The following C10orf143 variants were observed in gnomAD, a reference collection of about 807,000 sequenced individuals.
The protein encoded by C10orf143 is chromosome 10 open reading frame 143.
intron 3 of C10orf143, among the ~76,000 whole-genome samples, chr10:130,076,369 G>C (rs926720239): frequency 2.0e-5 from 3 of 152,186 alleles, no homozygotes; most frequent in Non-Finnish European, 4.4e-5. Context: ...TCTCCCAGAA[G>C]TCAGAAGCAA....
intron 1 of C10orf143, among the ~76,000 whole-genome samples, chr10:130,092,211 G>A (rs1458444510): frequency 6.6e-6 from 1 of 152,182 alleles, no homozygotes; most frequent in East Asian, 1.9e-4. Context: ...ACTAACAGCA[G>A]ATCTCTCAGC....
At chr10:130,074,584 G>A (rs923726148) in intron 3 of C10orf143, among the ~76,000 whole-genome samples, 6 of 152,112 alleles carry the variant, frequency 3.9e-5, no homozygotes, top group Non-Finnish European at 7.4e-5. Context: ...GCAAGCACAG[G>A]CAGTGTTCTC....
In C10orf143 at chr10:130,050,180, C is replaced by G. The variant is rs537586495; in HGVS notation, c.298-14210G>C. ...AGGCTGCAGGCGCATGACTGAGAAGCAGGAATGGGCCACGCTCACACCCAA... is the reference window on the plus strand; with the variant it reads ...AGGCTGCAGGCGCATGACTGAGAAGGAGGAATGGGCCACGCTCACACCCAA... On this transcript the variant is annotated intron_variant and NMD_transcript_variant, in intron 3 of 5. Transcript: ENST00000643056. Among the ~76,000 whole-genome samples the G allele has an allele frequency of 4.3e-4, 66 of 152,356 alleles. 1 individual carries two copies. Among genetic ancestry groups the G allele is most frequent in the African/African-American group, 1.5e-3 (63 of 41,582 alleles).
intron 1 of C10orf143, among the ~76,000 whole-genome samples, chr10:130,088,725 T>C (rs1861332700): frequency 6.6e-6 from 1 of 152,198 alleles, no homozygotes; most frequent in Non-Finnish European, 1.5e-5. Flanking sequence ...CAGGTAATGC[T>C]GGATGGAACA....
At chr10:130,082,331 C>CGG (rs756646349) in intron 1 of C10orf143, among the ~76,000 whole-genome samples, 3 of 151,960 alleles carry the variant, frequency 2.0e-5, no homozygotes, top group Middle Eastern at 3.2e-3. Flanking sequence ...TTTTAATATA[C>CGG]GGTCCCAGGA....
downstream of C10orf143, among the ~76,000 whole-genome samples, chr10:130,062,717 A>G (rs532090697): frequency 6.6e-6 from 1 of 152,250 alleles, no homozygotes; most frequent in Admixed American, 6.5e-5. Flanking sequence ...TGATCATGCA[A>G]GTCAATACTC....
intron 3 of C10orf143, among the ~76,000 whole-genome samples, chr10:130,046,231 G>A (rs909239753): frequency 2.0e-5 from 3 of 151,888 alleles, no homozygotes; most frequent in African/African-American, 7.3e-5. Flanking sequence ...CGGGTGGGGC[G>A]AGGCTCGGCG....
intron 3 of C10orf143, among the ~76,000 whole-genome samples, chr10:130,050,786 G>T (rs1370503914): frequency 6.6e-6 from 1 of 152,208 alleles, no homozygotes; most frequent in Admixed American, 6.5e-5. Context: ...TGTGGCAACC[G>T]AATCAGCTCT....
intron 1 of C10orf143, among the ~76,000 whole-genome samples, chr10:130,083,397 T>A (rs1420657648): frequency 6.6e-6 from 1 of 152,144 alleles, no homozygotes; most frequent in Non-Finnish European, 1.5e-5. Flanking sequence ...CAATTACAAC[T>A]CTAGAATCTA....
At chr10:130,040,571 C>T (rs576248953) in intron 3 of C10orf143, among the ~76,000 whole-genome samples, 11 of 152,354 alleles carry the variant, frequency 7.2e-5, no homozygotes, top group South Asian at 4.1e-4. Context: ...AATGGGACGG[C>T]GTGCTGGCTC....
intron 3 of C10orf143, among the ~76,000 whole-genome samples, chr10:130,045,234 A>G (rs1175539404): frequency 6.6e-6 from 1 of 152,242 alleles, no homozygotes; most frequent in Admixed American, 6.5e-5. Flanking sequence ...CAGGGCAGGC[A>G]GGCTCTGGGC....
chr10:130,105,644 C>A (rs1032623095), intron 1 of C10orf143, among the ~76,000 whole-genome samples: 1 of 152,138 alleles, frequency 6.6e-6, no homozygotes, highest in Non-Finnish European at 1.5e-5. Flanking sequence ...GCAAGAGAAT[C>A]GCTTCAACCC....
chr10:130,060,627 T>A (rs187869774), downstream of C10orf143, among the ~76,000 whole-genome samples: 99 of 147,134 alleles, frequency 6.7e-4, no homozygotes, highest in African/African-American at 2.4e-3. Flanking sequence ...ATCGAGACCA[T>A]CCTGGCTAAC....
Position 130,085,819 on chromosome 10 carries a change from G to C in C10orf143, c.70-5918C>G, listed in dbSNP as rs191361721. On this transcript the variant is annotated intron_variant, in intron 1 of 3. Transcript: ENST00000637128. ...AATATCTTGCATCCCTAATGTGAGA[G>C]AAATACTGATCTAAACCAAATTGCC... Among the ~76,000 whole-genome samples, 39 of 152,160 alleles carry C rather than the reference G, an allele frequency of 2.6e-4. 1 individual carries two copies. Among genetic ancestry groups the C allele is most frequent in the Admixed American group, 2.6e-3 (39 of 15,286 alleles).
At chr10:130,091,121 C>A (rs1861374917) in intron 1 of C10orf143, among the ~76,000 whole-genome samples, 1 of 152,208 alleles carries the variant, frequency 6.6e-6, no homozygotes, top group Non-Finnish European at 1.5e-5. Context: ...TGCCTCCTGA[C>A]TGAGAGATAC....
chr10:130,084,425 T>C (rs1241958454), intron 1 of C10orf143, among the ~76,000 whole-genome samples: 1 of 152,226 alleles, frequency 6.6e-6, no homozygotes, highest in African/African-American at 2.4e-5. Context: ...TATTACAGGG[T>C]TAGCAATTTT....
At chr10:130,083,705 A>G (rs906706591) in intron 1 of C10orf143, among the ~76,000 whole-genome samples, 24 of 152,218 alleles carry the variant, frequency 1.6e-4, no homozygotes, top group African/African-American at 5.5e-4. Context: ...AATGGACACT[A>G]TCTGCTCATT....
chr10:130,041,144 G>T (rs2134722483), intron 3 of C10orf143, among the ~76,000 whole-genome samples: 1 of 152,364 alleles, frequency 6.6e-6, no homozygotes, highest in Non-Finnish European at 1.5e-5. Context: ...CTCCTGAACG[G>T]CCGTCTTGCC....
intron 1 of C10orf143, chr10:130,107,941 G>A (rs759791143): frequency 1.4e-6 from 2 of 1,445,050 alleles, no homozygotes; most frequent in Non-Finnish European, 9.7e-7. Flanking sequence ...CTGGTGGACT[G>A]TCTGGACCAG....
Sources: allele counts gnomAD v4.1 joint callset (sites outside exome capture counted in the v4.1 genomes callset), GRCh38; gene constraint gnomAD v4.1.1; transcripts MANE v1.5; gene names NCBI Gene and HGNC (gene_info 2026-07-23, HGNC 2026-07-21).